PCDHGA2: variants seen among roughly 807,000 people sequenced by gnomAD.
The protein encoded by PCDHGA2 is protocadherin gamma subfamily A, 2, also known as protocadherin gamma-A2.
PCDHGA2 carries 40 observed loss-of-function variants against 59.2 expected under a neutral mutation model. That is an observed-to-expected ratio of 0.68 (90% CI 0.52 to 0.88). PCDHGA2 has a LOEUF of 0.88. Ranked by LOEUF, PCDHGA2 falls within the 40% of genes least tolerant of loss-of-function variation. PCDHGA2 has a pLI of 0.00. For synonymous variants in PCDHGA2, 560 were observed against 526.0 expected (o/e 1.06, Z -0.89); for missense variants, 1,226 against 1,204.0 (o/e 1.02, Z -0.27).
chr5:141,431,974 CA>C lies in PCDHGA2; in HGVS notation c.2425-62832del, dbSNP rs1419355804. The C allele has an allele frequency of 1.2e-6, 2 of 1,614,174 alleles. No individual in the cohort carries two copies. The highest frequency in any genetic ancestry group is 1.3e-5 in the African/African-American group (1 of 75,058). On this transcript the variant is annotated intron_variant, in intron 1 of 3. Transcript: ENST00000394576. This position sits in a 1 kb window ranked among gnomAD's most constrained non-coding sequence, Gnocchi z 4.8. ...CTTACGGAAATTACTATAGTTTAGT[CA>C]CAGACATAGTCTTGGATAGGGAACA... is the stretch of plus-strand genomic sequence containing the variant.
Position 141,490,618 on chromosome 5 carries a change from A to C in PCDHGA2, c.2425-4189A>C. The C allele has an allele frequency of 6.2e-7, 1 of 1,614,104 alleles. No homozygotes were observed. Among genetic ancestry groups the C allele is most frequent in the South Asian group, 1.1e-5 (1 of 91,080 alleles). ...ACCCCGCTTCAACCAGCAGCTTTAC[A>C]CTGCTTACATCCTAGAAAACCGGCC... On this transcript the variant is annotated intron_variant, in intron 1 of 3. Coordinates refer to ENST00000394576, the MANE Select transcript of PCDHGA2 (RefSeq NM_018915.4). This position sits in a 1 kb window ranked among gnomAD's most constrained non-coding sequence, Gnocchi z 5.4.
chr5:141,489,405 G>A lies in PCDHGA2; in HGVS notation c.2425-5402G>A. ...ATGTTGCTCAGGATCTGGGCTTAAA[G>A]ATGACAGATCTGTTGAGCCGGCGGC... On this transcript the variant is annotated intron_variant, in intron 1 of 3. Transcript: ENST00000394576. This position sits in a 1 kb window ranked among gnomAD's most constrained non-coding sequence, Gnocchi z 4.5. The A allele has an allele frequency of 1.2e-6, 2 of 1,614,204 alleles. No individual in the cohort carries two copies. The highest frequency in any genetic ancestry group is 2.2e-5 in the South Asian group (2 of 91,088).
intron 1 of PCDHGA2, chr5:141,376,204 C>T (rs185484474): frequency 1.7e-5 from 28 of 1,614,080 alleles, no homozygotes; most frequent in Admixed American, 1.3e-4. Context: ...TCCTGGCCTT[C>T]GTCATCGTGC....
chr5:141,430,926 C>T, intron 1 of PCDHGA2: 1 of 1,607,426 alleles, frequency 6.2e-7, no homozygotes, highest in Non-Finnish European at 8.5e-7. Flanking sequence ...GGGCTGGAGC[C>T]CCGGGAGCTC....
Position 141,344,183 on chromosome 5 carries a change from C to A in PCDHGA2, c.2424+2788C>A, listed in dbSNP as rs781139153. 8 of 1,613,930 alleles carry A rather than the reference C, an allele frequency of 5.0e-6. No individual in the cohort carries two copies. In the Admixed American group the frequency reaches 5.0e-5, roughly 10 times the overall value. ...GTTCCTTCGTGGGCAACATCGCTAA[C>A]GACCTGGGGCTAGAGCCCCGGGAGC... On this transcript the variant is annotated intron_variant, in intron 1 of 3. Coordinates refer to ENST00000394576, the MANE Select transcript of PCDHGA2 (RefSeq NM_018915.4).
At chr5:141,430,883 G>T in intron 1 of PCDHGA2, 1 of 1,601,036 alleles carries the variant, frequency 6.2e-7, no homozygotes, top group Non-Finnish European at 8.5e-7. Context: ...GCTGGAGAAA[G>T]GCTCTAGGGT....
intron 1 of PCDHGA2, chr5:141,372,081 C>T: frequency 1.2e-6 from 2 of 1,613,734 alleles, no homozygotes; most frequent in Non-Finnish European, 8.5e-7. Flanking sequence ...ACCGCTGGTG[C>T]TGTACCCAGC....
intron 1 of PCDHGA2, among the ~76,000 whole-genome samples, chr5:141,462,160 A>T (rs575238638): frequency 4.6e-5 from 7 of 152,122 alleles, no homozygotes; most frequent in Non-Finnish European, 1.0e-4. Flanking sequence ...GGGTTTCATC[A>T]TGTTGGCCAG....
chr5:141,421,991 A>T, intron 1 of PCDHGA2: 1 of 1,608,656 alleles, frequency 6.2e-7, no homozygotes, highest in Non-Finnish European at 8.5e-7. Context: ...GTTCCAGAAA[A>T]CATCAGCTCC....
At chr5:141,352,597 T>C in intron 1 of PCDHGA2, 3 of 1,613,558 alleles carry the variant, frequency 1.9e-6, no homozygotes, top group Non-Finnish European at 1.7e-6. Flanking sequence ...TGCTGTGTGA[T>C]GATCCTTCTA....
chr5:141,490,196 A>G lies in PCDHGA2; in HGVS notation c.2425-4611A>G, dbSNP rs748858034. On this transcript the variant is annotated intron_variant, in intron 1 of 3. Coordinates refer to ENST00000394576, the MANE Select transcript of PCDHGA2 (RefSeq NM_018915.4). The surrounding 1 kb of genome is among the most constrained non-coding windows in gnomAD (Gnocchi z 5.4). ...GAGGAGTCACGTTTCTATGAAATTCATGCAAGAGCCCGTGACCAGGGACAG... is the reference window on the plus strand; with the variant it reads ...GAGGAGTCACGTTTCTATGAAATTCGTGCAAGAGCCCGTGACCAGGGACAG... The G allele has an allele frequency of 3.7e-6, 6 of 1,614,196 alleles. No individual in the cohort carries two copies. The highest frequency in any genetic ancestry group is 4.2e-6 in the Non-Finnish European group (5 of 1,180,020).
chr5:141,395,463 C>A, intron 1 of PCDHGA2: 1 of 582,522 alleles, frequency 1.7e-6, no homozygotes, highest in Non-Finnish European at 2.9e-6. Flanking sequence ...CCATTTTAAG[C>A]CTTCCAGTAT....
At chr5:141,478,443 C>T (rs2099456258) in intron 1 of PCDHGA2, 3 of 1,613,494 alleles carry the variant, frequency 1.9e-6, no homozygotes, top group Admixed American at 1.7e-5. Flanking sequence ...CTGAAGAAAC[C>T]TGGTGCAGCC....
chr5:141,340,915 C>T lies in PCDHGA2; in HGVS notation c.1944C>T (p.Asp648=). 1 of 1,613,810 alleles carries T rather than the reference C, an allele frequency of 6.2e-7. No homozygotes were observed. The highest frequency in any genetic ancestry group is 8.5e-7 in the Non-Finnish European group (1 of 1,179,940). ...LKQSLVVAIQ[D]HGQPPLSATV... is the part of the protein sequence containing the mutation. ...AGAGCCTCGTGGTGGCCATCCAGGA[C>T]CACGGCCAGCCCCCTCTCTCCGCCA... Residue 648 remains aspartate (D), a synonymous_variant, in exon 1 of 4, where the codon GAC becomes GAT. Coordinates refer to ENST00000394576, the MANE Select transcript of PCDHGA2 (RefSeq NM_018915.4).
chr5:141,490,088 ACCACAC>A lies in PCDHGA2; in HGVS notation c.2425-4718_2425-4713del. On this transcript the variant is annotated intron_variant, in intron 1 of 3. Transcript: ENST00000394576. The surrounding 1 kb of genome is among the most constrained non-coding windows in gnomAD (Gnocchi z 5.4). The stretch of plus-strand genomic sequence containing the variant: ...GGCCAACTAGACTATTCTTTTGGAG[ACCACAC>A]ATCTGAGGCAGTGCGGAACCTCTTT... The A allele has an allele frequency of 6.2e-7, 1 of 1,614,190 alleles. No homozygotes were observed. Among genetic ancestry groups the A allele is most frequent in the Non-Finnish European group, 8.5e-7 (1 of 1,180,004 alleles).
chr5:141,361,243 A>G, intron 1 of PCDHGA2: 2 of 1,614,012 alleles, frequency 1.2e-6, no homozygotes, highest in Non-Finnish European at 1.7e-6. Context: ...CGCCTTGATA[A>G]AAACGAGAGA....
At position 141,491,910 on chromosome 5, in the gene PCDHGA2, G is replaced by T. The variant is rs946745903; in HGVS notation, c.2425-2897G>T. On this transcript the variant is annotated intron_variant, in intron 1 of 3. Coordinates refer to ENST00000394576, the MANE Select transcript of PCDHGA2 (RefSeq NM_018915.4). This position sits in a 1 kb window ranked among gnomAD's most constrained non-coding sequence, Gnocchi z 6.9. ...GGCTCCGAGCACCGGGGGTGGTGGC[G>T]ACTGTGGGCGAGGGGAGGTGGGACC... 3.6e-6 allele frequency: 5 copies of T among 1,406,946 alleles called. No individual in the cohort carries two copies. Among genetic ancestry groups the T allele is most frequent in the Non-Finnish European group, 4.7e-6 (5 of 1,059,702 alleles). 87.2% of individuals were successfully genotyped at this position (1,406,946 alleles called of 1,614,324 possible).
chr5:141,426,104 A>T (rs2096915289), intron 1 of PCDHGA2, among the ~76,000 whole-genome samples: 1 of 152,258 alleles, frequency 6.6e-6, no homozygotes, highest in Non-Finnish European at 1.5e-5. Flanking sequence ...GTTCAGTCAC[A>T]GAAGCAAGTC....
chr5:141,344,724 A>G (rs1245379588), intron 1 of PCDHGA2: 3 of 1,613,796 alleles, frequency 1.9e-6, no homozygotes, highest in Non-Finnish European at 2.5e-6. Context: ...CATCCAAGTG[A>G]TAGTCCTGGA....
Sources: gnomAD v4.1 joint callset for allele counts (sites outside exome capture counted in the v4.1 genomes callset) on GRCh38, gnomAD v4.1.1 for gene constraint, Gnocchi (gnomAD v3.1) non-coding constraint, MANE v1.5 for transcripts, NCBI Gene and HGNC (gene_info 2026-07-23, HGNC 2026-07-21) for gene names.